The following RGS7 variants were observed in gnomAD, a reference collection of about 807,000 sequenced individuals.
RGS7 encodes regulator of G-protein signaling 7.
In RGS7, 27 loss-of-function variants were observed where a neutral mutation model predicts 81.1. That is an observed-to-expected ratio of 0.33 (90% confidence interval 0.25 to 0.46). The LOEUF (loss-of-function observed/expected upper bound fraction) is 0.46, where lower values mean the gene tolerates loss of function less well. RGS7 is among the 20% of genes least tolerant of loss of function. The pLI is 1.00. For synonymous variants in RGS7, 208 were observed against 207.7 expected, an observed-to-expected ratio of 1.00 and a Z score of -0.01; for missense variants, 396 against 607.4, an observed-to-expected ratio of 0.65 and a Z score of 3.66.
intron 4 of RGS7, among the ~76,000 whole-genome samples, chr1:240,972,696 T>TAAA (rs34149848): frequency 9.7e-6 from 1 of 103,612 alleles, no homozygotes; most frequent in African/African-American, 3.7e-5. Flanking sequence ...TAAAGTATAA[T>TAAA]AAAAAAAAAA....
chr1:240,837,824 C>T (rs1428084601), intron 9 of RGS7, among the ~76,000 whole-genome samples: 1 of 152,066 alleles, frequency 6.6e-6, no homozygotes, highest in African/African-American at 2.4e-5. Flanking sequence ...CTAAAGAGAA[C>T]CAAATAAAAT....
intron 2 of RGS7, among the ~76,000 whole-genome samples, chr1:241,339,491 GAATTGGTTAA>G (rs2082419070): frequency 6.6e-6 from 1 of 152,206 alleles, no homozygotes; most frequent in Non-Finnish European, 1.5e-5. Context: ...TATGGCTGTT[GAATTGGTTAA>G]AATTCAGTTT....
intron 3 of RGS7, among the ~76,000 whole-genome samples, chr1:241,021,341 A>T (rs2059527061): frequency 6.6e-6 from 1 of 152,198 alleles, no homozygotes. Context: ...ATCATTTCCA[A>T]ACAAACAACA....
At chr1:241,083,333 G>A (rs1312307730) in intron 3 of RGS7, among the ~76,000 whole-genome samples, 1 of 151,936 alleles carries the variant, frequency 6.6e-6, no homozygotes, top group African/African-American at 2.4e-5. Context: ...GAGCCCAAGT[G>A]GTTGAGATTA....
chr1:241,224,909 CT>C (rs748553161), intron 2 of RGS7, among the ~76,000 whole-genome samples: 2 of 152,264 alleles, frequency 1.3e-5, no homozygotes, highest in East Asian at 3.9e-4. Flanking sequence ...TGGAGATGAC[CT>C]AGACCCTACA....
At chr1:241,214,087 T>C (rs1032300427) in intron 2 of RGS7, among the ~76,000 whole-genome samples, 9 of 152,214 alleles carry the variant, frequency 5.9e-5, no homozygotes, top group Admixed American at 5.2e-4. Flanking sequence ...TTTATATTTA[T>C]CTATGTATTA....
intron 6 of RGS7, among the ~76,000 whole-genome samples, chr1:240,926,240 A>G (rs1243157924): frequency 6.6e-6 from 1 of 152,146 alleles, no homozygotes; most frequent in Non-Finnish European, 1.5e-5. Flanking sequence ...AGAATGGTAT[A>G]TCCTAGGTTT....
chr1:241,147,873 C>T (rs1327629371), intron 2 of RGS7, among the ~76,000 whole-genome samples: 2 of 120,108 alleles, frequency 1.7e-5, no homozygotes, highest in East Asian at 2.6e-4. Context: ...TTTCTTACTC[C>T]TTCTTTACAT....
intron 3 of RGS7, among the ~76,000 whole-genome samples, chr1:241,094,328 G>C (rs112425040): frequency 2.6e-5 from 4 of 151,956 alleles, no homozygotes; most frequent in African/African-American, 7.3e-5. Flanking sequence ...CAGAAGCCCA[G>C]GGGAGAGAGC....
chr1:241,127,583 C>T (rs1442162326), intron 2 of RGS7, among the ~76,000 whole-genome samples: 1 of 151,962 alleles, frequency 6.6e-6, no homozygotes, highest in Non-Finnish European at 1.5e-5. Context: ...AGGAGATATA[C>T]CTAATGCTAA....
intron 6 of RGS7, chr1:240,920,431 A>G: frequency 4.7e-6 from 6 of 1,266,926 alleles, no homozygotes; most frequent in Admixed American, 1.7e-5. Context: ...GGAAGCTACA[A>G]TGATTTTGGC....
At chr1:240,958,782 G>A (rs1373566707) in intron 4 of RGS7, among the ~76,000 whole-genome samples, 3 of 152,118 alleles carry the variant, frequency 2.0e-5, no homozygotes, top group African/African-American at 7.2e-5. Flanking sequence ...GTATAATTCT[G>A]TCCAATTCCC....
At chr1:240,921,318 T>G (rs1470698299) in intron 6 of RGS7, among the ~76,000 whole-genome samples, 2 of 128,162 alleles carry the variant, frequency 1.6e-5, no homozygotes, top group Admixed American at 8.2e-5. Context: ...ATAAATGATT[T>G]AATTCTCTTG....
At position 240,785,489 on chromosome 1, in the gene RGS7, C is replaced by T. The variant is rs868765946; in HGVS notation, c.*7-9276G>A. 1.1e-4 allele frequency among the ~76,000 whole-genome samples: 16 copies of T among 152,264 alleles called. No individual in the cohort carries two copies. The South Asian group carries it at 1.5e-3, about 14-fold the overall frequency. On this transcript the variant is annotated intron_variant, in intron 18 of 18. Coordinates refer to ENST00000440928, the MANE Select transcript of RGS7 (RefSeq NM_001364886.1). ...GTCATCTGGCCTGATGAAGTGATAA[C>T]GGACAGCTGTTAAACATTAATATTA...
chr1:241,177,293 A>G (rs1443558192), intron 2 of RGS7, among the ~76,000 whole-genome samples: 1 of 152,198 alleles, frequency 6.6e-6, no homozygotes, highest in Non-Finnish European at 1.5e-5. Context: ...GCCAGCGTGC[A>G]AAGGGCCAGG....
chr1:241,012,320 C>T (rs1052454126), intron 3 of RGS7, among the ~76,000 whole-genome samples: 1 of 152,078 alleles, frequency 6.6e-6, no homozygotes, highest in African/African-American at 2.4e-5. Flanking sequence ...GTCCAAGGTC[C>T]CTCATGCAAA....
rs115593728 is a variant in RGS7, at chr1:240,845,363, T to C, written c.610-18191A>G. Among the ~76,000 whole-genome samples, 1,419 of 152,280 alleles carry C rather than the reference T, an allele frequency of 9.3e-3. 21 individuals carry two copies. Among genetic ancestry groups the C allele is most frequent in the African/African-American group, 0.031 (1,308 of 41,556 alleles). ...AGACATGCAAGGTGCAATAGACCAT[T>C]TAATACATAAAAAACTCAATTAATC... On this transcript the variant is annotated intron_variant, in intron 9 of 18. Coordinates refer to ENST00000440928, the MANE Select transcript of RGS7 (RefSeq NM_001364886.1).
intron 6 of RGS7, among the ~76,000 whole-genome samples, chr1:240,911,229 G>C (rs169021): frequency 0.68 from 102,593 of 151,890 alleles, 35,563 homozygotes; most frequent in African/African-American, 0.83. Flanking sequence ...TTCTTTCTCT[G>C]TCTTTTTCCC....
chr1:240,967,573 G>GC (rs1183398724), intron 4 of RGS7, among the ~76,000 whole-genome samples: 1 of 131,224 alleles, frequency 7.6e-6, no homozygotes, highest in African/African-American at 2.7e-5. Flanking sequence ...AGAAGTGGGG[G>GC]GGGGGGGGAA....
Sources: gnomAD v4.1 joint callset for allele counts (sites outside exome capture counted in the v4.1 genomes callset) on GRCh38, gnomAD v4.1.1 for gene constraint, MANE v1.5 for transcripts, NCBI Gene and HGNC (gene_info 2026-07-23, HGNC 2026-07-21) for gene names.